PIK3R3: variants seen among roughly 807,000 people sequenced by gnomAD.
PIK3R3 encodes the protein phosphatidylinositol 3-kinase regulatory subunit gamma.
Under a neutral mutation model 62.9 loss-of-function variants are expected in PIK3R3, and 64 were observed. The observed-to-expected ratio is 1.02, with a 90% CI of 0.83 to 1.25. PIK3R3 has a LOEUF of 1.25. Ranked by LOEUF, PIK3R3 falls within the 50% of genes most tolerant of loss-of-function variation. PIK3R3 has a pLI of 0.00. For synonymous variants in PIK3R3, 165 were observed against 189.0 expected, an observed-to-expected ratio of 0.87 and a Z score of 1.04; for missense variants, 614 against 561.6, an observed-to-expected ratio of 1.09 and a Z score of -0.94.
At chr1:46,083,409 T>C (rs745856430) in intron 1 of PIK3R3, among the ~76,000 whole-genome samples, 9 of 152,136 alleles carry the variant, frequency 5.9e-5, no homozygotes, top group Admixed American at 2.0e-4. Context: ...GCATCAAAAT[T>C]AAAAACTTCT....
At chr1:46,071,810 C>CACCT (rs1649569430) in intron 3 of PIK3R3, among the ~76,000 whole-genome samples, 1 of 148,568 alleles carries the variant, frequency 6.7e-6, no homozygotes, top group Non-Finnish European at 1.5e-5. Flanking sequence ...TGGTTCTCCC[C>CACCT]ACCTACCTAC....
intron 5 of PIK3R3, 41 bp downstream of exon 5, chr1:46,066,013 C>T (rs747718259): frequency 5.4e-5 from 85 of 1,574,162 alleles, no homozygotes; most frequent in Non-Finnish European, 7.1e-5. Context: ...GTAACTAAAA[C>T]ATTGCACACA....
intron 7 of PIK3R3, among the ~76,000 whole-genome samples, chr1:46,053,107 G>T (rs1456649418): frequency 6.6e-6 from 1 of 152,184 alleles, no homozygotes; most frequent in Non-Finnish European, 1.5e-5. Context: ...TGGACCATGG[G>T]ACACTGAACT....
In PIK3R3 at chr1:46,044,382, T is replaced by G. The variant is rs1039403353; in HGVS notation, c.1188-511A>C. Among the ~76,000 whole-genome samples, 3 of 152,100 alleles carry G rather than the reference T, an allele frequency of 2.0e-5. No individual in the cohort carries two copies. The highest frequency in any genetic ancestry group is 4.4e-5 in the Non-Finnish European group (3 of 68,012). ...AGCCACCACGCCCAGCCAAGGGTAG[T>G]TTTTGATTAATCAGTTTATGTAAGG... On this transcript the variant is annotated intron_variant, in intron 9 of 9. Coordinates refer to ENST00000262741, the MANE Select transcript of PIK3R3 (RefSeq NM_003629.4). This position sits in a 1 kb window ranked among gnomAD's most constrained non-coding sequence, Gnocchi z 4.2.
chr1:46,154,820 C>T, the PIK3R3 span, among the ~76,000 whole-genome samples: 1 of 151,956 alleles, frequency 6.6e-6, no homozygotes, highest in African/African-American at 2.4e-5. Flanking sequence ...TTCTTTCCCC[C>T]AGATCTTCAC....
Position 46,080,702 on chromosome 1 carries a change from C to T in PIK3R3, c.155G>A (p.Gly52Glu). The T allele has an allele frequency of 6.2e-7, 1 of 1,613,970 alleles. No homozygotes were observed. Among genetic ancestry groups the T allele is most frequent in the Non-Finnish European group, 8.5e-7 (1 of 1,179,836 alleles). Residue 52 changes from glycine to glutamate, a missense_variant, in exon 2 of 10, where the codon GGA (glycine) becomes GAA (glutamate). Physicochemically the swap from Gly to Glu is moderately conservative, Grantham distance 98 (BLOSUM62 -2). Transcript: ENST00000262741. ...AAGAGAAACAGAACTGTCCTTCATT[C>T]CATTTGGAACTGCTGAAGTCATTGG... ...PKPMTSAVPN[G>E]MKDSSVSLQD...
At chr1:46,130,200 G>A (rs1199509145) in intron 1 of PIK3R3, among the ~76,000 whole-genome samples, 1 of 152,096 alleles carries the variant, frequency 6.6e-6, no homozygotes, top group African/African-American at 2.4e-5. Context: ...ACTATATAAT[G>A]CAGTATAATT....
chr1:46,145,286 A>G, the PIK3R3 span, among the ~76,000 whole-genome samples: 12 of 151,946 alleles, frequency 7.9e-5, no homozygotes, highest in African/African-American at 2.9e-4. Context: ...GAGTCTTTGT[A>G]TACATGTCCA....
At chr1:46,105,053 G>A (rs1375170916) in intron 1 of PIK3R3, 22 of 743,886 alleles carry the variant, frequency 3.0e-5, no homozygotes, top group South Asian at 1.4e-5. Context: ...CAGTAATGCT[G>A]TATTAGCTAG....
At chr1:46,068,272 T>TA (rs1649188526) in intron 3 of PIK3R3, among the ~76,000 whole-genome samples, 1 of 152,180 alleles carries the variant, frequency 6.6e-6, no homozygotes, top group Non-Finnish European at 1.5e-5. Context: ...GCCTCTCTGT[T>TA]AAAGTTAAAA....
chr1:46,082,097 G>A (rs1650647489), intron 1 of PIK3R3, among the ~76,000 whole-genome samples: 1 of 151,978 alleles, frequency 6.6e-6, no homozygotes, highest in Non-Finnish European at 1.5e-5. Context: ...ACTGCAAAAG[G>A]AAAAACAATA....
intron 1 of PIK3R3, among the ~76,000 whole-genome samples, chr1:46,101,200 A>G (rs1652639808): frequency 6.6e-6 from 1 of 151,796 alleles, no homozygotes; most frequent in Non-Finnish European, 1.5e-5. Context: ...AAATTTGTAA[A>G]AACATCCCAA....
chr1:46,132,477 T>C lies in PIK3R3; in HGVS notation c.-525A>G. On this transcript the variant is annotated 5_prime_UTR_variant, in exon 1 of 10. Coordinates refer to ENST00000262741, the MANE Select transcript of PIK3R3 (RefSeq NM_003629.4). Reference sequence around the variant, plus strand: ...GAGCGAATCCCCCAGAGGCCGGGACTCGGGCTCCTCTCCGGTCGGTCTCGG... The same window carrying C: ...GAGCGAATCCCCCAGAGGCCGGGACCCGGGCTCCTCTCCGGTCGGTCTCGG... 8.3e-7 allele frequency: 1 copy of C among 1,202,058 alleles called. No individual in the cohort carries two copies. The highest frequency in any genetic ancestry group is 3.3e-5 in the Admixed American group (1 of 30,650). 74.5% of individuals were successfully genotyped at this position (1,202,058 alleles called of 1,614,324 possible). A position where few individuals can be genotyped will look rare whatever the true frequency, so the allele number is the denominator to read the frequency against.
intron 1 of PIK3R3, among the ~76,000 whole-genome samples, chr1:46,127,728 T>C (rs1320624430): frequency 6.6e-6 from 1 of 152,002 alleles, no homozygotes; most frequent in Non-Finnish European, 1.5e-5. Flanking sequence ...ATAAAAGTTT[T>C]GTTGTTGTTG....
At chr1:46,082,186 CCAATA>C (rs1650657376) in intron 1 of PIK3R3, among the ~76,000 whole-genome samples, 1 of 152,060 alleles carries the variant, frequency 6.6e-6, no homozygotes. Context: ...ACTGTGGGCC[CCAATA>C]CAATACACTA....
Position 46,131,945 on chromosome 1 carries a change from T to TTGTA in PIK3R3, c.4_7dup (p.Asn3IlefsTer11), listed in dbSNP as rs779875823. ...ATCGCGGTCCATACTCCACACCGTA[T>TTGTA]TGTACATCGCGCTGTCAGGGGCAGG... On this transcript the variant is annotated frameshift_variant, in exon 1 of 10. Coordinates refer to ENST00000262741, the MANE Select transcript of PIK3R3 (RefSeq NM_003629.4). LOFTEE classifies it high-confidence loss of function. The TTGTA allele has an allele frequency of 6.2e-7, 1 of 1,614,036 alleles. No homozygotes were observed. Among genetic ancestry groups the TTGTA allele is most frequent in the Non-Finnish European group, 8.5e-7 (1 of 1,179,936 alleles).
intron 3 of PIK3R3, among the ~76,000 whole-genome samples, chr1:46,071,759 A>AGAGCGAGCGAGC (rs777668187): frequency 1.2e-4 from 12 of 100,128 alleles, no homozygotes; most frequent in African/African-American, 4.0e-4. Flanking sequence ...AGAGAGAGAG[A>AGAGCGAGCGAGC]GCGCGCGCCT....
chr1:46,063,354 A>G (rs1648693801), intron 5 of PIK3R3, among the ~76,000 whole-genome samples: 1 of 152,214 alleles, frequency 6.6e-6, no homozygotes, highest in Admixed American at 6.5e-5. Context: ...ACCTTGTGAT[A>G]GTCCATACAG....
chr1:46,046,948 A>C (rs1647132053), intron 7 of PIK3R3: 1 of 370,772 alleles, frequency 2.7e-6, no homozygotes, highest in African/African-American at 2.1e-5. Context: ...TTTGTTTCTG[A>C]AAACATTAGG....
Sources: gnomAD v4.1 joint callset for allele counts (sites outside exome capture counted in the v4.1 genomes callset) on GRCh38, gnomAD v4.1.1 for gene constraint, Gnocchi (gnomAD v3.1) non-coding constraint, MANE v1.5 for transcripts, NCBI Gene and HGNC (gene_info 2026-07-23, HGNC 2026-07-21) for gene names.